Variants in CAPN7 observed in about 807,000 individuals in gnomAD.
The protein encoded by CAPN7 is calpain-7.
CAPN7 carries 72 observed loss-of-function variants against 115.2 expected under a neutral mutation model. The ratio of observed to expected loss-of-function variants is 0.63; its 90% CI spans 0.52 to 0.76. The LOEUF (loss-of-function observed/expected upper bound fraction) is 0.76, where lower values mean the gene tolerates loss of function less well. CAPN7 is among the 30% of genes least tolerant of loss of function. The pLI, the probability that CAPN7 is intolerant of heterozygous loss-of-function variation, is 0.00. For synonymous variants in CAPN7, 344 were observed against 322.3 expected (o/e 1.07, Z -0.72); for missense variants, 905 against 971.5 (o/e 0.93, Z 0.91).
intron 1 of CAPN7, among the ~76,000 whole-genome samples, chr3:15,208,310 C>T (rs1009785668): frequency 6.7e-6 from 1 of 149,862 alleles, no homozygotes; most frequent in Non-Finnish European, 1.5e-5. Flanking sequence ...TAAGAGACAG[C>T]GTCTTGCCCT....
intron 19 of CAPN7, among the ~76,000 whole-genome samples, chr3:15,248,179 A>C (rs988770187): frequency 6.6e-6 from 1 of 152,012 alleles, no homozygotes; most frequent in African/African-American, 2.4e-5. Flanking sequence ...GTATAATAAA[A>C]AAATAAATAA....
At chr3:15,247,572 G>T in intron 19 of CAPN7, 115 bp downstream of exon 19, 1 of 732,636 alleles carries the variant, frequency 1.4e-6, no homozygotes, top group South Asian at 2.7e-5. Flanking sequence ...TTATAACAAT[G>T]GCATTATAGT....
intron 19 of CAPN7, among the ~76,000 whole-genome samples, chr3:15,248,191 T>A (rs1045313059): frequency 1.1e-4 from 16 of 151,446 alleles, no homozygotes; most frequent in Admixed American, 8.5e-4. Flanking sequence ...AATAAATAAA[T>A]AAATAAAAAT....
intron 19 of CAPN7, among the ~76,000 whole-genome samples, chr3:15,249,217 C>T (rs573337897): frequency 1.3e-5 from 2 of 152,018 alleles, no homozygotes; most frequent in African/African-American, 2.4e-5. Flanking sequence ...GGTAAATAAA[C>T]CTATTTGCTC....
At chr3:15,245,046 TA>T (rs1695575188) in intron 16 of CAPN7, among the ~76,000 whole-genome samples, 1 of 148,932 alleles carries the variant, frequency 6.7e-6, no homozygotes, top group Non-Finnish European at 1.5e-5. Context: ...AATCCATCAA[TA>T]GAAGGGAATA....
chr3:15,232,030 G>T (rs1242947568), intron 9 of CAPN7: 1 of 257,948 alleles, frequency 3.9e-6, no homozygotes, highest in Non-Finnish European at 7.6e-6. Flanking sequence ...AATAATATAG[G>T]TTGAGTATCC....
chr3:15,242,283 A>T (rs1282094358), intron 16 of CAPN7, 30 bp downstream of exon 16: 1 of 1,274,486 alleles, frequency 7.8e-7, no homozygotes, highest in Non-Finnish European at 1.1e-6. Flanking sequence ...AAACATTAAA[A>T]TAAACATACA....
intron 6 of CAPN7, 64 bp downstream of exon 6, chr3:15,223,625 A>G (rs1694130016): frequency 1.1e-6 from 1 of 924,074 alleles, no homozygotes; most frequent in Non-Finnish European, 1.7e-6. Context: ...CTGAAGTTCA[A>G]TTTAATAGCC....
At position 15,206,487 on chromosome 3, in the gene CAPN7, C is replaced by T; in HGVS notation, c.-9C>T. On this transcript the variant is annotated 5_prime_UTR_variant, in exon 1 of 21. Coordinates refer to ENST00000253693, the MANE Select transcript of CAPN7 (RefSeq NM_014296.3). Reference sequence around the variant, plus strand: ...CTCCTTCCCTGCCCCGGCGCGGGGCCACTGCGCCATGGACGCCACAGCACT... The same window carrying T: ...CTCCTTCCCTGCCCCGGCGCGGGGCTACTGCGCCATGGACGCCACAGCACT... The T allele has an allele frequency of 6.5e-7, 1 of 1,541,410 alleles. No homozygotes were observed. The highest frequency in any genetic ancestry group is 8.8e-7 in the Non-Finnish European group (1 of 1,142,838).
chr3:15,246,461 G>A, intron 17 of CAPN7: 1 of 388,590 alleles, frequency 2.6e-6, no homozygotes, highest in Non-Finnish European at 4.6e-6. Context: ...GGGACATTGG[G>A]AGCTGCTGCC....
At chr3:15,222,950 T>C (rs924708990) in intron 5 of CAPN7, among the ~76,000 whole-genome samples, 2 of 152,204 alleles carry the variant, frequency 1.3e-5, no homozygotes, top group African/African-American at 4.8e-5. Context: ...ATAGTTAATA[T>C]AGATAAATAA....
chr3:15,208,259 G>T (rs182064327), intron 1 of CAPN7, among the ~76,000 whole-genome samples: 37 of 147,368 alleles, frequency 2.5e-4, no homozygotes, highest in Non-Finnish European at 4.0e-4. Flanking sequence ...AGTAATAGCT[G>T]CACAGTAGTT....
At chr3:15,236,471 T>A (rs1043557879) in intron 12 of CAPN7, among the ~76,000 whole-genome samples, 7 of 152,244 alleles carry the variant, frequency 4.6e-5, no homozygotes, top group Non-Finnish European at 7.3e-5. Context: ...GAAGTAGTGA[T>A]CAGTCAGCAA....
chr3:15,250,539 G>GC, intron 19 of CAPN7, among the ~76,000 whole-genome samples: 1 of 152,098 alleles, frequency 6.6e-6, no homozygotes, highest in East Asian at 1.9e-4. Flanking sequence ...AGGCACAGTG[G>GC]CATACCCCTG....
At chr3:15,222,878 C>T (rs1452225920) in intron 5 of CAPN7, among the ~76,000 whole-genome samples, 2 of 152,134 alleles carry the variant, frequency 1.3e-5, no homozygotes, top group Admixed American at 1.3e-4. Context: ...AGACTAAATT[C>T]TGAAGTTACT....
chr3:15,217,633 C>T (rs982836903), intron 3 of CAPN7, 51 bp downstream of exon 3: 3 of 1,437,086 alleles, frequency 2.1e-6, no homozygotes, highest in Non-Finnish European at 2.8e-6. Flanking sequence ...ACCATTTCTT[C>T]TCTTGCTAGT....
At chr3:15,248,669 T>C (rs571563638) in intron 19 of CAPN7, among the ~76,000 whole-genome samples, 79 of 152,336 alleles carry the variant, frequency 5.2e-4, no homozygotes, top group Non-Finnish European at 1.0e-3. Flanking sequence ...TTAAGTGTTA[T>C]ATTTCATAGT....
Position 15,229,067 on chromosome 3 carries a change from T to C in CAPN7, c.938+8T>C, listed in dbSNP as rs749930632. 1 of 1,593,578 alleles carries C rather than the reference T, an allele frequency of 6.3e-7. No homozygotes were observed. Among genetic ancestry groups the C allele is most frequent in the Admixed American group, 1.7e-5 (1 of 59,800 alleles). ...TAAGAAGTTAATTACCGGGTAAAAA[T>C]GTGTCTCTCTTTACCTCTTTTTGTG... On this transcript the variant is annotated splice_region_variant and intron_variant, in intron 8 of 20. Coordinates refer to ENST00000253693, the MANE Select transcript of CAPN7 (RefSeq NM_014296.3).
At chr3:15,240,389 C>A in intron 12 of CAPN7, 84 bp from the exon 13 acceptor site, 1 of 1,183,896 alleles carries the variant, frequency 8.4e-7, no homozygotes, top group Non-Finnish European at 1.2e-6. Flanking sequence ...TTGATAAGTA[C>A]TCAGTTCATC....
Sources: gnomAD v4.1 joint callset for allele counts (sites outside exome capture counted in the v4.1 genomes callset) on GRCh38, gnomAD v4.1.1 for gene constraint, MANE v1.5 for transcripts, NCBI Gene and HGNC (gene_info 2026-07-23, HGNC 2026-07-21) for gene names.